The following NLRC4 variants were observed in gnomAD, a reference collection of about 807,000 sequenced individuals.
The protein encoded by NLRC4 is NLR family CARD domain containing 4.
A neutral mutation model predicts 79.9 loss-of-function variants in NLRC4; 63 were observed. That is an observed-to-expected ratio of 0.79 (90% CI 0.64 to 0.97). NLRC4 has a LOEUF of 0.97. Among genes scored for constraint, NLRC4 ranks in the 50% least tolerant of loss-of-function variants. The pLI is 0.00. For synonymous variants in NLRC4, 461 were observed against 456.5 expected (o/e 1.01, Z -0.12); for missense variants, 1,074 against 1,215.2 (o/e 0.88, Z 1.73).
At chr2:32,244,608 G>T (rs902669726) in intron 4 of NLRC4, among the ~76,000 whole-genome samples, 1 of 151,968 alleles carries the variant, frequency 6.6e-6, no homozygotes, top group African/African-American at 2.4e-5. Flanking sequence ...CATTCTTTTC[G>T]AAGATAACAT....
At position 32,251,095 on chromosome 2, in the gene NLRC4, T is replaced by G. The variant is rs747935539; in HGVS notation, c.769A>C (p.Asn257His). The G allele has an allele frequency of 6.2e-7, 1 of 1,614,030 alleles. No homozygotes were observed. ...LDGYNEFKPQ[N>H]CPEIEALIKE... ...ATCAGGGCTTCGATTTCTGGGCAGT[T>G]CTGGGGCTTGAATTCATTGTAGCCA... Residue 257 changes from asparagine to histidine, a missense_variant, in exon 4 of 9, where the codon AAC becomes CAC. By Grantham distance (68) the Asn-to-His change is moderately conservative. Transcript: ENST00000402280.
intron 1 of NLRC4, among the ~76,000 whole-genome samples, chr2:32,261,820 C>A (rs1437755092): frequency 6.6e-6 from 1 of 151,934 alleles, no homozygotes; most frequent in Non-Finnish European, 1.5e-5. Flanking sequence ...CGGTGGCTCA[C>A]GCCTGTAATC....
chr2:32,265,433 A>G (rs1292244868), upstream of NLRC4, among the ~76,000 whole-genome samples: 1 of 152,188 alleles, frequency 6.6e-6, no homozygotes, highest in East Asian at 1.9e-4. Context: ...TGCCAGCCTC[A>G]GCCTCCCAAA....
chr2:32,242,675 G>T (rs1399764090), intron 4 of NLRC4, among the ~76,000 whole-genome samples: 1 of 152,088 alleles, frequency 6.6e-6, no homozygotes, highest in Non-Finnish European at 1.5e-5. Flanking sequence ...CCAGAAAATA[G>T]AAGTACAAAG....
chr2:32,258,442 C>T (rs553641764), intron 1 of NLRC4, among the ~76,000 whole-genome samples: 88 of 152,198 alleles, frequency 5.8e-4, no homozygotes, highest in Non-Finnish European at 1.0e-3. Flanking sequence ...AGTGCCTGTC[C>T]TCACCTAGGT....
chr2:32,251,733 G>A (rs1687083485), intron 3 of NLRC4, 132 bp from the exon 4 acceptor site: 8 of 636,090 alleles, frequency 1.3e-5, no homozygotes, highest in Non-Finnish European at 1.9e-5. Context: ...TCCCAGTTCT[G>A]AGCTGGCACA....
chr2:32,255,555 A>C (rs1687189072), intron 2 of NLRC4, among the ~76,000 whole-genome samples: 1 of 151,290 alleles, frequency 6.6e-6, no homozygotes, highest in Non-Finnish European at 1.5e-5. Flanking sequence ...ATACAGCCTC[A>C]GAAAGGCTTA....
intron 2 of NLRC4, among the ~76,000 whole-genome samples, chr2:32,253,019 A>G (rs1333134578): frequency 6.6e-6 from 1 of 152,038 alleles, no homozygotes; most frequent in African/African-American, 2.4e-5. Flanking sequence ...CTCCGTCTAA[A>G]AAAAAAAAAT....
In NLRC4 at chr2:32,252,585, A is replaced by G; in HGVS notation, c.96T>C (p.Val32=). ...TGATGTTTACTTCTTCGCGATTCAG[A>G]ACATTCCATACAAATAGGTCATCTG... ...QITDDLFVWN[V]LNREEVNIIC... is the part of the protein sequence containing the mutation. The change falls in exon 3 of 9, where the codon GTT becomes GTC. Residue 32 remains valine (V), a synonymous_variant. Transcript: ENST00000402280. 1 of 1,614,204 alleles carries G rather than the reference A, an allele frequency of 6.2e-7. No homozygotes were observed. The highest frequency in any genetic ancestry group is 1.1e-5 in the South Asian group (1 of 91,086).
chr2:32,260,170 A>G (rs553039351), intron 1 of NLRC4, among the ~76,000 whole-genome samples: 2 of 136,254 alleles, frequency 1.5e-5, no homozygotes, highest in South Asian at 5.0e-4. Context: ...CGGAGGTTGC[A>G]GTGAGCCAAG....
Position 32,250,636 on chromosome 2 carries a change from G to T in NLRC4, c.1228C>A (p.Leu410Met). ...GVFSHKFDFELQDVSSVNEDV... is the reference protein window; with the variant it reads ...GVFSHKFDFEMQDVSSVNEDV... ...TCATTCACGCTGGACACATCCTGCA[G>T]TTCGAAATCAAACTTGTGGGAGAAC... The change falls in exon 4 of 9, where the codon CTG becomes ATG. Residue 410 changes from leucine to methionine, a missense_variant. Coordinates refer to ENST00000402280, the MANE Select transcript of NLRC4 (RefSeq NM_001199138.2). The surrounding 1 kb of genome is among the most constrained non-coding windows in gnomAD (Gnocchi z 4.9). 1.9e-6 allele frequency: 3 copies of T among 1,614,186 alleles called. No homozygotes were observed. The highest frequency in any genetic ancestry group is 2.2e-5 in the East Asian group (1 of 44,888).
chr2:32,257,399 G>A (rs1364782770), intron 1 of NLRC4, among the ~76,000 whole-genome samples: 3 of 152,160 alleles, frequency 2.0e-5, no homozygotes, highest in Non-Finnish European at 4.4e-5. Flanking sequence ...CGTGAGGTAA[G>A]GAGTTCGAGA....
chr2:32,239,766 G>A (rs1458798551), intron 5 of NLRC4, among the ~76,000 whole-genome samples: 1 of 152,178 alleles, frequency 6.6e-6, no homozygotes, highest in Non-Finnish European at 1.5e-5. Context: ...CTTTCTACCA[G>A]TTGGTAAGAT....
chr2:32,236,423 TTTTA>T (rs1342900509), intron 6 of NLRC4, 84 bp from the exon 7 acceptor site: 15 of 713,354 alleles, frequency 2.1e-5, no homozygotes, highest in Non-Finnish European at 3.1e-5. Flanking sequence ...TAATTCTGAG[TTTTA>T]TCTTCTCTGC....
chr2:32,236,993 A>C (rs1183183405), intron 6 of NLRC4, among the ~76,000 whole-genome samples: 1 of 152,216 alleles, frequency 6.6e-6, no homozygotes, highest in Non-Finnish European at 1.5e-5. Context: ...TTTTAAAGCA[A>C]GACCCAGTTT....
At chr2:32,257,547 C>T (rs58142990) in intron 1 of NLRC4, among the ~76,000 whole-genome samples, 1,621 of 148,758 alleles carry the variant, frequency 0.011, 38 homozygotes, top group African/African-American at 0.037. Flanking sequence ...ACGGAGGTTG[C>T]AGTGAGCCGA....
chr2:32,240,894 A>G (rs1686783816), intron 5 of NLRC4, 139 bp downstream of exon 5: 1 of 589,976 alleles, frequency 1.7e-6, no homozygotes, highest in Admixed American at 3.3e-5. Context: ...AGTAGGGAAA[A>G]TGTCTGGGGA....
chr2:32,252,422 G>T lies in NLRC4; in HGVS notation c.259C>A (p.Gln87Lys), dbSNP rs774464858. 6.2e-7 allele frequency: 1 copy of T among 1,604,710 alleles called. No individual in the cohort carries two copies. The highest frequency in any genetic ancestry group is 8.5e-7 in the Non-Finnish European group (1 of 1,171,630). The change falls in exon 3 of 9, where the codon CAA (glutamine) becomes AAA (lysine). Residue 87 changes from glutamine to lysine, a missense_variant. Coordinates refer to ENST00000402280, the MANE Select transcript of NLRC4 (RefSeq NM_001199138.2). ...TGCAAAACTAACTGATACTTACTTT[G>T]TCCATTCAAGTCCTGAAATAGAGGA... ...NYPLFQDLNG[Q>K]SLFHQTSEGD...
chr2:32,227,556 T>G (rs901798899), intron 8 of NLRC4, among the ~76,000 whole-genome samples: 1 of 152,174 alleles, frequency 6.6e-6, no homozygotes, highest in Non-Finnish European at 1.5e-5. Flanking sequence ...CAACTTTTTT[T>G]CTCCTTCTCA....
Sources: allele counts gnomAD v4.1 joint callset (sites outside exome capture counted in the v4.1 genomes callset), GRCh38; gene constraint gnomAD v4.1.1; non-coding constraint Gnocchi (gnomAD v3.1); transcripts MANE v1.5; gene names NCBI Gene and HGNC (gene_info 2026-07-23, HGNC 2026-07-21).